Variants in TRRAP observed in about 807,000 individuals in gnomAD.
The protein encoded by TRRAP is transformation/transcription domain-associated protein.
A neutral mutation model predicts 438.8 loss-of-function variants in TRRAP; 41 were observed. The ratio of observed to expected loss-of-function variants is 0.09; its 90% confidence interval spans 0.07 to 0.12. The LOEUF (loss-of-function observed/expected upper bound fraction) is 0.12, where lower values mean the gene tolerates loss of function less well. Ranked by LOEUF, TRRAP falls within the 10% of genes least tolerant of loss-of-function variation. The pLI is 1.00. For missense variants in TRRAP, 3,122 were observed against 5,055.1 expected, an observed-to-expected ratio of 0.62 and a Z score of 11.60; for synonymous variants, 1,994 against 1,962.9, an observed-to-expected ratio of 1.02 and a Z score of -0.42.
intron 13 of TRRAP, 144 bp downstream of exon 13, chr7:98,906,399 T>TA (rs1562934778): frequency 3.3e-6 from 1 of 302,808 alleles, no homozygotes; most frequent in South Asian, 1.1e-4. Context: ...ATTTTTGTTT[T>TA]TGTTTTATTT....
chr7:98,989,381 G>GC (rs1280152340), intron 63 of TRRAP, among the ~76,000 whole-genome samples: 1 of 152,202 alleles, frequency 6.6e-6, no homozygotes, highest in Non-Finnish European at 1.5e-5. Flanking sequence ...TCTGCACCGT[G>GC]CCCCCCAGCA....
At chr7:98,930,438 C>G (rs922293730) in intron 24 of TRRAP, among the ~76,000 whole-genome samples, 195 bp from the exon 25 acceptor site, 2 of 152,084 alleles carry the variant, frequency 1.3e-5, no homozygotes. Flanking sequence ...ATTAGCCAGG[C>G]GTGGTGGCGC....
At chr7:98,999,272 G>T in intron 67 of TRRAP, 2 of 1,182,822 alleles carry the variant, frequency 1.7e-6, no homozygotes, top group Non-Finnish European at 2.5e-6. Flanking sequence ...AACAGATGTC[G>T]TACAGGAACA....
chr7:98,886,419 T>C (rs1367598688), intron 3 of TRRAP, among the ~76,000 whole-genome samples: 8 of 151,724 alleles, frequency 5.3e-5, no homozygotes, highest in African/African-American at 7.3e-5. Context: ...TAGAGAGATA[T>C]GGATATCTAG....
At chr7:98,892,624 C>G (rs2116308182) in intron 5 of TRRAP, 96 bp downstream of exon 5, 14 of 1,063,822 alleles carry the variant, frequency 1.3e-5, no homozygotes, top group Non-Finnish European at 1.6e-5. Context: ...ACTGTTTTAT[C>G]TTTCTCCCAA....
At chr7:99,010,925 T>C (rs1794399769) in intron 70 of TRRAP, 127 bp from the exon 71 acceptor site, 1 of 993,088 alleles carries the variant, frequency 1.0e-6, no homozygotes. Flanking sequence ...GTGCGTTAAA[T>C]CTGTCACCAG....
At chr7:98,933,080 TCTC>T (rs1166113651) in intron 26 of TRRAP, among the ~76,000 whole-genome samples, 158 bp from the exon 27 acceptor site, 3 of 151,918 alleles carry the variant, frequency 2.0e-5, no homozygotes, top group African/African-American at 7.2e-5. Context: ...CTTACATGCC[TCTC>T]CACGACCGAG....
In TRRAP at chr7:98,933,335, C is replaced by A. The variant is rs1554413405; in HGVS notation, c.3947C>A (p.Thr1316Asn). Residue 1316 changes from threonine to asparagine, a missense_variant, in exon 27 of 73, where the codon ACC becomes AAC. By Grantham distance (65) the Thr-to-Asn change is moderately conservative. Around this residue, in one of 24 missense-constraint regions of TRRAP, gnomAD observed 84 missense variants for 119.8 expected, o/e 0.70. Transcript: ENST00000456197. ...IGLMEGNTFC[T>N]TLQPRLFTMD... is the part of the protein sequence containing the mutation. ...CTGATGGAGGGGAACACGTTCTGTA[C>A]CACGTTGCAGCCCAGGCTCTTCACA... The A allele has an allele frequency of 6.2e-7, 1 of 1,614,170 alleles. No individual in the cohort carries two copies. Among genetic ancestry groups the A allele is most frequent in the South Asian group, 1.1e-5 (1 of 91,086 alleles).
At chr7:98,912,832 A>AG (rs1400595662) in intron 18 of TRRAP, among the ~76,000 whole-genome samples, 1 of 152,088 alleles carries the variant, frequency 6.6e-6, no homozygotes, top group African/African-American at 2.4e-5. Flanking sequence ...CCAGCTTTTC[A>AG]GGGAAAAAAA....
At chr7:98,892,171 G>A (rs1479218322) in intron 4 of TRRAP, among the ~76,000 whole-genome samples, 5 of 152,228 alleles carry the variant, frequency 3.3e-5, no homozygotes, top group Non-Finnish European at 7.3e-5. Flanking sequence ...AGCCGTGGAA[G>A]GGGAGAAATT....
intron 69 of TRRAP, among the ~76,000 whole-genome samples, chr7:99,007,985 C>A (rs186576353): frequency 6.6e-6 from 1 of 152,044 alleles, no homozygotes; most frequent in Non-Finnish European, 1.5e-5. Flanking sequence ...GCCACCACTC[C>A]CGGCTAATTT....
chr7:98,993,454 T>C, intron 65 of TRRAP, 84 bp from the exon 66 acceptor site: 1 of 1,444,754 alleles, frequency 6.9e-7, no homozygotes, highest in Non-Finnish European at 9.4e-7. Flanking sequence ...CCAGCGCTCC[T>C]TTGGCCCATG....
Position 98,908,424 on chromosome 7 carries a change from C to T in TRRAP, c.1116-304C>T, listed in dbSNP as rs1584295859. 6.6e-6 allele frequency among the ~76,000 whole-genome samples: 1 copy of T among 152,324 alleles called. No homozygotes were observed. The highest frequency in any genetic ancestry group is 1.9e-4 in the East Asian group (1 of 5,184). ...TTATTTTTGAGCAACAAAACCCATT[C>T]AGTGCATGATCAAGCTGGTAATATT... is the stretch of plus-strand genomic sequence containing the variant. On this transcript the variant is annotated intron_variant, in intron 13 of 72. Transcript: ENST00000456197. This position sits in a 1 kb window ranked among gnomAD's most constrained non-coding sequence, Gnocchi z 4.1.
rs1314611476 is a variant in TRRAP, at chr7:98,921,775, A to G, written c.2645A>G (p.Asn882Ser). Residue 882 changes from asparagine (N) to serine (S), a missense_variant, in exon 21 of 73, where the codon AAC becomes AGC. Asn to Ser is a conservative substitution (Grantham distance 46). Around this residue, in one of 24 missense-constraint regions of TRRAP, gnomAD observed 133 missense variants for 188.6 expected, o/e 0.71. Coordinates refer to ENST00000456197, the MANE Select transcript of TRRAP (RefSeq NM_001375524.1). ...LMQALWRTLRNPADSISHVAY... is the reference protein window; with the variant it reads ...LMQALWRTLRSPADSISHVAY... ...CAGGCTCTGTGGCGCACCTTACGCA[A>G]CCCTGCTGACAGCATCTCCCACGTG... The G allele has an allele frequency of 1.2e-6, 2 of 1,613,960 alleles. No homozygotes were observed. Among genetic ancestry groups the G allele is most frequent in the East Asian group, 2.2e-5 (1 of 44,896 alleles).
Position 98,971,828 on chromosome 7 carries a change from T to C in TRRAP, c.7722T>C (p.Pro2574=). Residue 2574 remains proline (P), a synonymous_variant, in exon 53 of 73, where the codon CCT becomes CCC. Transcript: ENST00000456197. The part of the protein sequence containing the change: ...EDVEIDIELA[P]GDQTSTPKTK... ...TAGAGATAGACATCGAACTAGCTCC[T>C]GGGGATCAGACCAGCACGCCCAAAA... 6.2e-7 allele frequency: 1 copy of C among 1,614,194 alleles called. No homozygotes were observed. The highest frequency in any genetic ancestry group is 8.5e-7 in the Non-Finnish European group (1 of 1,180,026).
chr7:98,997,919 G>A (rs932166145), intron 67 of TRRAP, among the ~76,000 whole-genome samples: 2 of 152,132 alleles, frequency 1.3e-5, no homozygotes, highest in African/African-American at 4.8e-5. Flanking sequence ...AGTGTTTGTG[G>A]TATTACATTT....
Position 98,927,149 on chromosome 7 carries a change from T to A in TRRAP, c.2976-18T>A, listed in dbSNP as rs1562945030. 2 of 1,614,152 alleles carry A rather than the reference T, an allele frequency of 1.2e-6. No homozygotes were observed. Among genetic ancestry groups the A allele is most frequent in the Non-Finnish European group, 1.7e-6 (2 of 1,179,980 alleles). ...AGGAGTTGGGTGTCGTGACACCAGA[T>A]CTGATTTTGCCTTTCAGCTTTACAG... On this transcript the variant is annotated intron_variant, in intron 22 of 72. Transcript: ENST00000456197.
Position 98,915,764 on chromosome 7 carries a change from G to T in TRRAP, c.2241G>T (p.Ala747=). 1 of 1,614,108 alleles carries T rather than the reference G, an allele frequency of 6.2e-7. No homozygotes were observed. Among genetic ancestry groups the T allele is most frequent in the Non-Finnish European group, 8.5e-7 (1 of 1,180,008 alleles). Residue 747 remains alanine (A), a synonymous_variant, in exon 19 of 73, where the codon GCG becomes GCT. Coordinates refer to ENST00000456197, the MANE Select transcript of TRRAP (RefSeq NM_001375524.1). The part of the protein sequence containing the change: ...HKIVNSSMEL[A]QTAKEPYNYF... ...TTGTGAACAGCTCTATGGAGCTCGCGCAGACTGCCAAGGAACCCTACAACT... is the reference window on the plus strand; with the variant it reads ...TTGTGAACAGCTCTATGGAGCTCGCTCAGACTGCCAAGGAACCCTACAACT...
chr7:98,921,510 G>T (rs531465047), intron 20 of TRRAP, among the ~76,000 whole-genome samples: 2 of 152,070 alleles, frequency 1.3e-5, no homozygotes, highest in African/African-American at 4.8e-5. Flanking sequence ...CAAATAGCTG[G>T]GATTACAACA....
Sources: gnomAD v4.1 joint callset for allele counts (sites outside exome capture counted in the v4.1 genomes callset) on GRCh38, gnomAD v4.1.1 for gene constraint, gnomAD v4.1.1 regional missense constraint, Gnocchi (gnomAD v3.1) non-coding constraint, MANE v1.5 for transcripts, NCBI Gene and HGNC (gene_info 2026-07-23, HGNC 2026-07-21) for gene names.